The following APMAP variants were observed in gnomAD, a reference collection of about 807,000 sequenced individuals.
APMAP encodes adipocyte plasma membrane-associated protein.
APMAP carries 33 observed loss-of-function variants against 43.6 expected under a neutral mutation model. The observed-to-expected ratio is 0.76, with a 90% CI of 0.57 to 1.01. APMAP has a LOEUF of 1.01. APMAP is among the 50% of genes least tolerant of loss of function. APMAP has a pLI of 0.00. For synonymous variants in APMAP, 224 were observed against 216.7 expected, an observed-to-expected ratio of 1.03 and a Z score of -0.30; for missense variants, 498 against 540.7, an observed-to-expected ratio of 0.92 and a Z score of 0.78.
At chr20:24,964,100 C>T in intron 8 of APMAP, 78 bp from the exon 9 acceptor site, 1 of 1,448,610 alleles carries the variant, frequency 6.9e-7, no homozygotes, top group Non-Finnish European at 9.6e-7. Flanking sequence ...GCCGCCCCCA[C>T]CATCCAGGAA....
At position 24,969,363 on chromosome 20, in the gene APMAP, C is replaced by A. The variant is rs112942224; in HGVS notation, c.848+163G>T. Among the ~76,000 whole-genome samples the A allele has an allele frequency of 1.6e-4, 25 of 152,284 alleles. 1 individual carries two copies. Among genetic ancestry groups the A allele is most frequent in the African/African-American group, 6.0e-4 (25 of 41,564 alleles). On this transcript the variant is annotated intron_variant, in intron 7 of 8. Coordinates refer to ENST00000217456, the MANE Select transcript of APMAP (RefSeq NM_020531.3). ...TAAGACACTCTTCCGGACTGCGACT[C>A]GCAATGGGAGAAAGAAAGCGCACCC...
At chr20:24,966,407 C>T (rs1046894772) in intron 8 of APMAP, among the ~76,000 whole-genome samples, 6 of 152,188 alleles carry the variant, frequency 3.9e-5, no homozygotes, top group Admixed American at 3.3e-4. Flanking sequence ...ATGAAAGAAC[C>T]ACGTCCAGGT....
intron 4 of APMAP, 141 bp downstream of exon 4, chr20:24,973,504 G>A (rs2088023029): frequency 4.0e-6 from 3 of 754,046 alleles, no homozygotes; most frequent in Non-Finnish European, 6.2e-6. Context: ...AGAGCTCGTA[G>A]TGACGTCATG....
In APMAP at chr20:24,971,538, C is replaced by T. The variant is rs753353812; in HGVS notation, c.460G>A (p.Gly154Ser). 23 of 1,614,076 alleles carry T rather than the reference C, an allele frequency of 1.4e-5. No homozygotes were observed. Among genetic ancestry groups the T allele is most frequent in the Non-Finnish European group, 1.9e-5 (22 of 1,180,044 alleles). The change falls in exon 5 of 9, where the codon GGT becomes AGT. Residue 154 changes from glycine (G) to serine (S), a missense_variant. Transcript: ENST00000217456. The part of the protein sequence containing the change: ...DDEPVCGRPL[G>S]IRAGPNGTLF... Reference sequence around the variant, plus strand: ...GTCCCATTGGGCCCTGCACGGATACCCAGGGGTCTCCCACACACAGGCTCA... The same window carrying T: ...GTCCCATTGGGCCCTGCACGGATACTCAGGGGTCTCCCACACACAGGCTCA...
chr20:24,974,647 G>A (rs2088035570), intron 3 of APMAP, among the ~76,000 whole-genome samples: 1 of 152,150 alleles, frequency 6.6e-6, no homozygotes, highest in African/African-American at 2.4e-5. Flanking sequence ...GTGAAGGGAT[G>A]AAGAAAGTAC....
At chr20:24,984,061 A>C in intron 1 of APMAP, 42 bp from the exon 2 acceptor site, 28 of 1,518,862 alleles carry the variant, frequency 1.8e-5, no homozygotes, top group Non-Finnish European at 2.5e-5. Flanking sequence ...GCTGAGTCTC[A>C]GACAGTGACA....
chr20:24,970,098 T>A (rs1298970240), intron 6 of APMAP, 99 bp downstream of exon 6: 156 of 1,426,480 alleles, frequency 1.1e-4, no homozygotes, highest in Non-Finnish European at 8.6e-5. Flanking sequence ...AATATGATGC[T>A]GGAAATACTC....
At position 24,963,988 on chromosome 20, in the gene APMAP, G is replaced by A. The variant is rs147024967; in HGVS notation, c.1076C>T (p.Pro359Leu). The A allele has an allele frequency of 8.1e-6, 13 of 1,614,202 alleles. No individual in the cohort carries two copies. The highest frequency in any genetic ancestry group is 2.2e-5 in the East Asian group (1 of 44,884). The change falls in exon 9 of 9, where the codon CCG (proline) becomes CTG (leucine). Residue 359 changes from proline (P) to leucine (L), a missense_variant. Coordinates refer to ENST00000217456, the MANE Select transcript of APMAP (RefSeq NM_020531.3). ...GAGTTCTAGGACGAGGCTGTACCGCGGCACAAACTTCATCACCGTCTCTTG... is the reference window on the plus strand; with the variant it reads ...GAGTTCTAGGACGAGGCTGTACCGCAGCACAAACTTCATCACCGTCTCTTG... ...FSQETVMKFV[P>L]RYSLVLELSD...
At chr20:24,992,392 A>T (rs950098648) in intron 1 of APMAP, among the ~76,000 whole-genome samples, 14 of 152,218 alleles carry the variant, frequency 9.2e-5, no homozygotes. Context: ...CGAACCTGAA[A>T]GACCTGGCAG....
chr20:24,971,415 A>T (rs1324696070), intron 5 of APMAP, 45 bp downstream of exon 5: 1 of 1,528,812 alleles, frequency 6.5e-7, no homozygotes, highest in Non-Finnish European at 9.0e-7. Flanking sequence ...TATTGTTTAA[A>T]AGATCTAAAA....
chr20:24,971,180 T>G (rs1600282135), intron 5 of APMAP, among the ~76,000 whole-genome samples: 1 of 151,602 alleles, frequency 6.6e-6, no homozygotes, highest in Non-Finnish European at 1.5e-5. Context: ...CAGAAAGAGG[T>G]CTAACTTCCT....
At chr20:24,990,606 GT>G (rs2122536513) in intron 1 of APMAP, among the ~76,000 whole-genome samples, 1 of 152,292 alleles carries the variant, frequency 6.6e-6, no homozygotes, top group African/African-American at 2.4e-5. Flanking sequence ...TATTCTAATA[GT>G]TTCGTGTTTT....
intron 2 of APMAP, among the ~76,000 whole-genome samples, chr20:24,979,609 C>A (rs62215121): frequency 0.09 from 13,652 of 152,192 alleles, 694 homozygotes; most frequent in Middle Eastern, 0.12. Context: ...CTCCTTACAA[C>A]CCTGGCTGGG....
Position 24,970,229 on chromosome 20 carries a change from C to T in APMAP, c.681G>A (p.Leu227=). 6.2e-7 allele frequency: 1 copy of T among 1,614,180 alleles called. No homozygotes were observed. Among genetic ancestry groups the T allele is most frequent in the Non-Finnish European group, 8.5e-7 (1 of 1,180,038 alleles). Residue 227 remains leucine, a synonymous_variant, in exon 6 of 9, where the codon CTG becomes CTA. Transcript: ENST00000217456. The part of the protein sequence containing the change: ...SSSKWQRRDY[L]LLVMEGTDDG... The stretch of plus-strand genomic sequence containing the variant: ...CATCTGTGCCCTCCATCACCAGAAG[C>T]AGGTAGTCTCGTCTTTGCCATTTGC...
intron 3 of APMAP, among the ~76,000 whole-genome samples, chr20:24,975,949 A>C (rs901553807): frequency 4.6e-5 from 7 of 152,240 alleles, no homozygotes; most frequent in African/African-American, 7.2e-5. Context: ...TGTTTTCCAC[A>C]AATGGTGCTG....
At chr20:24,971,369 G>T in intron 5 of APMAP, 91 bp downstream of exon 5, 1 of 1,143,172 alleles carries the variant, frequency 8.7e-7, no homozygotes, top group Non-Finnish European at 1.3e-6. Flanking sequence ...TTAGTAGACT[G>T]TTGCTAACAA....
In APMAP at chr20:24,963,855, G is replaced by A; in HGVS notation, c.1209C>T (p.Phe403=). ...TGAGTCTGCAGAGGAAGGGGGACCT[G>A]AAAGAGCCCAGGTACAGGTGCCCAT... ...EHDGHLYLGS[F]RSPFLCRLSL... Residue 403 remains phenylalanine, a synonymous_variant, in exon 9 of 9, where the codon TTC becomes TTT. Coordinates refer to ENST00000217456, the MANE Select transcript of APMAP (RefSeq NM_020531.3). The A allele has an allele frequency of 6.2e-7, 1 of 1,614,208 alleles. No individual in the cohort carries two copies. The highest frequency in any genetic ancestry group is 1.1e-5 in the South Asian group (1 of 91,088).
intron 3 of APMAP, among the ~76,000 whole-genome samples, chr20:24,976,742 T>C (rs111655101): frequency 6.6e-6 from 1 of 152,236 alleles, no homozygotes; most frequent in Non-Finnish European, 1.5e-5. Flanking sequence ...CAGATGTTTA[T>C]ACCAGCCTTA....
chr20:24,963,724 G>C lies in APMAP; in HGVS notation c.*89C>G. 1 of 1,348,658 alleles carries C rather than the reference G, an allele frequency of 7.4e-7. No individual in the cohort carries two copies. Among genetic ancestry groups the C allele is most frequent in the Non-Finnish European group, 1.0e-6 (1 of 959,532 alleles). The allele number at this position is 1,348,658 out of a possible 1,614,324, so 83.5% of individuals were successfully genotyped here. ...AGGTGCATGTGGACACTTGAACCAC[G>C]ACTGTGTCCACAGCTCCTCCTGGAC... On this transcript the variant is annotated 3_prime_UTR_variant, in exon 9 of 9. Coordinates refer to ENST00000217456, the MANE Select transcript of APMAP (RefSeq NM_020531.3).
Sources: gnomAD v4.1 joint callset for allele counts (sites outside exome capture counted in the v4.1 genomes callset) on GRCh38, gnomAD v4.1.1 for gene constraint, MANE v1.5 for transcripts, NCBI Gene and HGNC (gene_info 2026-07-23, HGNC 2026-07-21) for gene names.